DOCK2: variants seen among roughly 807,000 people sequenced by gnomAD.
DOCK2 encodes dedicator of cytokinesis protein 2.
In DOCK2, 87 loss-of-function variants were observed where a neutral mutation model predicts 248.9. The observed-to-expected ratio is 0.35, with a 90% CI of 0.29 to 0.42. DOCK2 has a LOEUF of 0.42. DOCK2 is among the 10% of genes least tolerant of loss of function. The probability of loss-of-function intolerance (pLI) is 1.00; values close to 1 mark genes in which losing one functional copy is unlikely to be tolerated. For synonymous variants in DOCK2, 805 were observed against 821.6 expected (o/e 0.98, Z 0.35); for missense variants, 1,747 against 2,300.2 (o/e 0.76, Z 4.92).
intron 27 of DOCK2, among the ~76,000 whole-genome samples, chr5:169,842,340 G>A (rs1247947881): frequency 6.6e-6 from 1 of 151,936 alleles, no homozygotes; most frequent in East Asian, 1.9e-4. Flanking sequence ...CACCTTTGAA[G>A]TATCACATTT....
At chr5:169,931,939 G>A (rs575619820) in intron 27 of DOCK2, among the ~76,000 whole-genome samples, 26 of 152,274 alleles carry the variant, frequency 1.7e-4, no homozygotes, top group African/African-American at 6.0e-4. Flanking sequence ...ACTCATTCAT[G>A]TATTCAACAA....
rs530581976 is a variant in DOCK2 at position 169,690,052 on chromosome 5, ATT to A, written c.843+737_843+738del. 9.1e-3 allele frequency among the ~76,000 whole-genome samples: 1,226 copies of A among 134,892 alleles called. 12 individuals carry two copies. Among genetic ancestry groups the A allele is most frequent in the African/African-American group, 0.03 (1,103 of 36,866 alleles). The allele number at this position is 134,892 out of a possible 152,430, so 88.5% of individuals were successfully genotyped here. A position where few individuals can be genotyped will look rare whatever the true frequency, so the allele number is the denominator to read the frequency against. ...TTTCCATAAGGGTGTGAAGAGTGTGATTTTTTTTTTTTTTTTTTTGAGATGGA... is the reference window on the plus strand; with the variant it reads ...TTTCCATAAGGGTGTGAAGAGTGTGATTTTTTTTTTTTTTTTTGAGATGGA... On this transcript the variant is annotated intron_variant, in intron 9 of 51. Coordinates refer to ENST00000520908, the MANE Select transcript of DOCK2 (RefSeq NM_004946.3).
intron 27 of DOCK2, chr5:169,884,206 C>T (rs571640639): frequency 1.8e-5 from 4 of 221,876 alleles, no homozygotes; most frequent in East Asian, 9.6e-5. Context: ...AGCTGGTAGG[C>T]GGTTTATCAA....
Position 169,717,735 on chromosome 5 carries a change from C to T in DOCK2, c.2132+251C>T, listed in dbSNP as rs1761981348. On this transcript the variant is annotated intron_variant, in intron 21 of 51. Coordinates refer to ENST00000520908, the MANE Select transcript of DOCK2 (RefSeq NM_004946.3). ...CTCATTCATCCATTCAGCTAGCGTG[C>T]TCTCATTTCTTGAGTGGACACCAGG... is the stretch of plus-strand genomic sequence containing the variant. 5.9e-5 allele frequency among the ~76,000 whole-genome samples: 9 copies of T among 152,160 alleles called. No homozygotes were observed. The South Asian group carries it at 1.9e-3, about 31-fold the overall frequency.
chr5:169,900,379 C>G, intron 27 of DOCK2, among the ~76,000 whole-genome samples: 1 of 152,172 alleles, frequency 6.6e-6, no homozygotes, highest in East Asian at 1.9e-4. Flanking sequence ...TGCCTTGAGT[C>G]TAGACGTGAA....
chr5:169,912,119 A>T (rs552792977), intron 27 of DOCK2, among the ~76,000 whole-genome samples: 2 of 152,314 alleles, frequency 1.3e-5, no homozygotes, highest in South Asian at 4.1e-4. Flanking sequence ...TGGTGATACA[A>T]GGGACCCTGG....
chr5:169,842,209 T>C (rs1770020941), intron 27 of DOCK2, among the ~76,000 whole-genome samples: 1 of 152,218 alleles, frequency 6.6e-6, no homozygotes, highest in Admixed American at 6.5e-5. Flanking sequence ...CACCCTGACA[T>C]TCCTGCTTTA....
At chr5:169,654,772 A>T (rs1423895819) in intron 2 of DOCK2, among the ~76,000 whole-genome samples, 1 of 152,160 alleles carries the variant, frequency 6.6e-6, no homozygotes, top group East Asian at 1.9e-4. Context: ...ACAGTTCTTT[A>T]TTAGTATTAA....
chr5:169,702,594 CATA>C, intron 14 of DOCK2, 167 bp downstream of exon 14: 7 of 865,520 alleles, frequency 8.1e-6, no homozygotes, highest in Non-Finnish European at 1.2e-5. Context: ...TGCAGTGTTC[CATA>C]ATAAGACCTT....
At chr5:169,726,773 G>A (rs1762496603) in intron 22 of DOCK2, among the ~76,000 whole-genome samples, 1 of 152,194 alleles carries the variant, frequency 6.6e-6, no homozygotes, top group Admixed American at 6.5e-5. Context: ...ACAGTTGCCT[G>A]GGATAAGCAA....
At chr5:169,751,183 CA>C (rs1331708046) in intron 23 of DOCK2, among the ~76,000 whole-genome samples, 1 of 152,168 alleles carries the variant, frequency 6.6e-6, no homozygotes, top group African/African-American at 2.4e-5. Context: ...CATCATAAAA[CA>C]GAAGCTTTTT....
chr5:169,648,428 A>G (rs1396037715), intron 1 of DOCK2, among the ~76,000 whole-genome samples: 2 of 152,298 alleles, frequency 1.3e-5, no homozygotes. Context: ...TCGGCTGGGC[A>G]TGTCACTGGC....
At chr5:169,859,470 T>A (rs1771061491) in intron 27 of DOCK2, among the ~76,000 whole-genome samples, 1 of 152,284 alleles carries the variant, frequency 6.6e-6, no homozygotes, top group Non-Finnish European at 1.5e-5. Context: ...CAAGCAATGC[T>A]TGATGGGCGT....
intron 27 of DOCK2, among the ~76,000 whole-genome samples, chr5:169,956,388 G>T (rs983426282): frequency 6.6e-6 from 1 of 152,180 alleles, no homozygotes; most frequent in African/African-American, 2.4e-5. Flanking sequence ...TCTCATGGGG[G>T]TCTTAAATTC....
chr5:169,708,244 C>G lies in DOCK2; in HGVS notation c.1459C>G (p.Pro487Ala). 6.2e-7 allele frequency: 1 copy of G among 1,613,792 alleles called. No homozygotes were observed. Among genetic ancestry groups the G allele is most frequent in the Non-Finnish European group, 8.5e-7 (1 of 1,179,904 alleles). The change falls in exon 15 of 52, where the codon CCA becomes GCA. Residue 487 changes from proline (P) to alanine (A), a missense_variant. Pro to Ala is a conservative substitution (Grantham distance 27, BLOSUM62 -1). This residue lies in a region of DOCK2 where 858 missense variants were observed against 1,183.5 expected (regional missense o/e 0.72). Transcript: ENST00000520908. ...CGTTGTGTACTATCAAGTCAAACAG[C>G]CACGCTGGATGGAAACAGTCAAGGT... The part of the protein sequence containing the change: ...RSVVYYQVKQ[P>A]RWMETVKVAV...
chr5:169,942,761 T>C (rs140796354), intron 27 of DOCK2, among the ~76,000 whole-genome samples: 230 of 152,270 alleles, frequency 1.5e-3, no homozygotes, highest in African/African-American at 5.5e-3. Flanking sequence ...GAAACAGAGA[T>C]CACCAACTAG....
chr5:169,656,427 G>A (rs1323468146), intron 2 of DOCK2, among the ~76,000 whole-genome samples: 2 of 151,888 alleles, frequency 1.3e-5, no homozygotes, highest in East Asian at 1.9e-4. Flanking sequence ...AGATTCAACT[G>A]ATTCTTGCGC....
chr5:169,748,872 C>A (rs1399374066), intron 23 of DOCK2, among the ~76,000 whole-genome samples: 2 of 152,226 alleles, frequency 1.3e-5, no homozygotes, highest in Non-Finnish European at 2.9e-5. Context: ...CTTTATTTCA[C>A]CCTCTCAAAA....
Position 169,774,049 on chromosome 5 carries a change from C to G in DOCK2, c.2554+12424C>G, listed in dbSNP as rs262863. The stretch of plus-strand genomic sequence containing the variant: ...GTCTTGGGTATGTCTTTATCAGCAG[C>G]GTGAAAATGGGCTAATACAAGCATC... On this transcript the variant is annotated intron_variant, in intron 25 of 51. Coordinates refer to ENST00000520908, the MANE Select transcript of DOCK2 (RefSeq NM_004946.3). Among the ~76,000 whole-genome samples the G allele has an allele frequency of 3.8e-3, 573 of 152,156 alleles. 2 individuals are homozygous for G. The highest frequency in any genetic ancestry group is 6.4e-3 in the Non-Finnish European group (432 of 68,014).
Sources: gnomAD v4.1 joint callset for allele counts (sites outside exome capture counted in the v4.1 genomes callset) on GRCh38, gnomAD v4.1.1 for gene constraint, gnomAD v4.1.1 regional missense constraint, MANE v1.5 for transcripts, NCBI Gene and HGNC (gene_info 2026-07-23, HGNC 2026-07-21) for gene names.